CDH18: variants seen among roughly 807,000 people sequenced by gnomAD.
CDH18 encodes cadherin-18.
Under a neutral mutation model 67.9 loss-of-function variants are expected in CDH18, and 31 were observed. That is an observed-to-expected ratio of 0.46 (90% confidence interval 0.34 to 0.62). The LOEUF (loss-of-function observed/expected upper bound fraction) is 0.62, where lower values mean the gene tolerates loss of function less well. Ranked by LOEUF, CDH18 falls within the 20% of genes least tolerant of loss-of-function variation. The probability of loss-of-function intolerance (pLI) is 0.01; values close to 1 mark genes in which losing one functional copy is unlikely to be tolerated. For missense variants in CDH18, 890 were observed against 975.5 expected (o/e 0.91, Z 1.17); for synonymous variants, 362 against 347.2 (o/e 1.04, Z -0.48).
chr5:20,470,729 C>A (rs1385188749), intron 1 of CDH18, among the ~76,000 whole-genome samples: 2 of 152,166 alleles, frequency 1.3e-5, no homozygotes, highest in Non-Finnish European at 2.9e-5. Context: ...CTCCTTTTGA[C>A]AAGACTCAGC....
At chr5:20,160,420 C>T (rs1751887133) in intron 2 of CDH18, among the ~76,000 whole-genome samples, 1 of 152,110 alleles carries the variant, frequency 6.6e-6, no homozygotes, top group Admixed American at 6.5e-5. Flanking sequence ...TCATTAAACC[C>T]AACCAAAAAA....
intron 1 of CDH18, chr5:20,304,373 G>A: frequency 1.4e-6 from 2 of 1,465,584 alleles, no homozygotes; most frequent in Non-Finnish European, 1.9e-6. Context: ...ACACTTTTTG[G>A]AGTAAAAAGC....
chr5:19,633,536 T>C (rs961984161), intron 5 of CDH18, among the ~76,000 whole-genome samples: 6 of 152,252 alleles, frequency 3.9e-5, no homozygotes, highest in South Asian at 4.1e-4. Flanking sequence ...ATTTTGACCA[T>C]GAGGCATAGT....
At chr5:20,355,142 C>T (rs1355055480) in intron 1 of CDH18, among the ~76,000 whole-genome samples, 1 of 152,194 alleles carries the variant, frequency 6.6e-6, no homozygotes, top group African/African-American at 2.4e-5. Context: ...TTTCTCTTAA[C>T]AAGTGATTCC....
chr5:19,853,019 T>TA (rs753049794), intron 2 of CDH18, among the ~76,000 whole-genome samples: 1 of 151,990 alleles, frequency 6.6e-6, no homozygotes, highest in East Asian at 1.9e-4. Flanking sequence ...AAATAAAGAA[T>TA]AAAAAAAATA....
intron 1 of CDH18, among the ~76,000 whole-genome samples, chr5:20,471,962 G>GCTATAT (rs1752121537): frequency 0.077 from 2 of 26 alleles, no homozygotes; most frequent in Non-Finnish European, 0.083. Flanking sequence ...GTCTAACTTG[G>GCTATAT]CTTCTCTGCT....
chr5:19,621,606 G>A (rs1438923354), intron 5 of CDH18, among the ~76,000 whole-genome samples: 2 of 152,018 alleles, frequency 1.3e-5, no homozygotes, highest in Non-Finnish European at 2.9e-5. Flanking sequence ...ACTTATATGA[G>A]GAATCTGAAA....
At chr5:19,582,129 A>T (rs1743351503) in intron 7 of CDH18, among the ~76,000 whole-genome samples, 1 of 152,004 alleles carries the variant, frequency 6.6e-6, no homozygotes, top group Non-Finnish European at 1.5e-5. Context: ...TATTATACAG[A>T]AAGTATGCTT....
chr5:19,636,480 C>A (rs1024003637), intron 5 of CDH18, among the ~76,000 whole-genome samples: 3 of 151,846 alleles, frequency 2.0e-5, no homozygotes, highest in Non-Finnish European at 4.4e-5. Context: ...ATATTCAGTT[C>A]ATATAATCTA....
intron 2 of CDH18, among the ~76,000 whole-genome samples, chr5:20,171,039 CT>C (rs59141932): frequency 0.07 from 7,383 of 105,270 alleles, 415 homozygotes; most frequent in African/African-American, 0.18. Flanking sequence ...ATATGATCTC[CT>C]TTTTTTTTTA....
intron 2 of CDH18, among the ~76,000 whole-genome samples, chr5:19,995,476 C>T (rs1735931339): frequency 6.6e-6 from 1 of 151,822 alleles, no homozygotes; most frequent in Non-Finnish European, 1.5e-5. Flanking sequence ...GACATAGAGT[C>T]AAGCCATACG....
chr5:19,489,394 C>T (rs1040696636), intron 11 of CDH18, among the ~76,000 whole-genome samples: 5 of 151,650 alleles, frequency 3.3e-5, no homozygotes, highest in Non-Finnish European at 5.9e-5. Context: ...ACTACAGGCG[C>T]CCGCCACCAC....
intron 2 of CDH18, among the ~76,000 whole-genome samples, chr5:20,189,695 C>T (rs1738388922): frequency 6.6e-6 from 1 of 152,122 alleles, no homozygotes; most frequent in African/African-American, 2.4e-5. Flanking sequence ...TCAAGGAATG[C>T]CTGGTCCTAA....
chr5:20,195,248 T>C (rs1329397162), intron 2 of CDH18, among the ~76,000 whole-genome samples: 1 of 152,054 alleles, frequency 6.6e-6, no homozygotes, highest in African/African-American at 2.4e-5. Flanking sequence ...TACTTACTGT[T>C]ATATAAGATT....
intron 2 of CDH18, among the ~76,000 whole-genome samples, chr5:20,122,667 T>G (rs1017570017): frequency 2.0e-5 from 3 of 151,718 alleles, no homozygotes; most frequent in Admixed American, 2.0e-4. Flanking sequence ...ACTATATTCC[T>G]ACTGGTTTAG....
chr5:20,189,328 T>C (rs149036898), intron 2 of CDH18, among the ~76,000 whole-genome samples: 6 of 152,228 alleles, frequency 3.9e-5, no homozygotes, highest in African/African-American at 1.4e-4. Flanking sequence ...TAGATGTGGA[T>C]GGACAACATG....
chr5:19,527,567 T>C (rs747221067), intron 9 of CDH18, among the ~76,000 whole-genome samples: 4 of 151,734 alleles, frequency 2.6e-5, no homozygotes. Context: ...TGTATCCATA[T>C]AAAAAGTTTT....
intron 1 of CDH18, among the ~76,000 whole-genome samples, chr5:20,437,463 G>A (rs1400645132): frequency 1.3e-5 from 2 of 151,292 alleles, no homozygotes; most frequent in Admixed American, 1.3e-4. Context: ...AGTAATTAAT[G>A]TTCTTATGCA....
At chr5:20,303,386 C>CA (rs1736114128) in intron 1 of CDH18, among the ~76,000 whole-genome samples, 1 of 151,924 alleles carries the variant, frequency 6.6e-6, no homozygotes, top group Admixed American at 6.6e-5. Context: ...ACTACAAAGC[C>CA]AAAAAACTCC....
Sources: allele counts gnomAD v4.1 joint callset (sites outside exome capture counted in the v4.1 genomes callset), GRCh38; gene constraint gnomAD v4.1.1; transcripts MANE v1.5; gene names NCBI Gene and HGNC (gene_info 2026-07-23, HGNC 2026-07-21).